NDE1: variants seen among roughly 807,000 people sequenced by gnomAD.
NDE1 encodes the protein nuclear distribution protein nudE homolog 1.
A neutral mutation model predicts 43.4 loss-of-function variants in NDE1; 28 were observed. The observed-to-expected ratio is 0.65, with a 90% CI of 0.48 to 0.89. The LOEUF (loss-of-function observed/expected upper bound fraction) is 0.89, where lower values mean the gene tolerates loss of function less well. Among genes scored for constraint, NDE1 ranks in the 40% least tolerant of loss-of-function variants. The pLI is 0.00. For synonymous variants in NDE1, 184 were observed against 172.0 expected (o/e 1.07, Z -0.55); for missense variants, 441 against 434.1 (o/e 1.02, Z -0.14).
At chr16:15,712,947 G>A (rs1358919221) in intron 8 of NDE1, 4 of 143,884 alleles carry the variant, frequency 2.8e-5, no homozygotes, top group South Asian at 2.2e-4. Flanking sequence ...TCTCTCTCCC[G>A]GTTTTAAGCC....
chr16:15,655,113 G>T (rs1247629651), intron 1 of NDE1, among the ~76,000 whole-genome samples: 2 of 152,022 alleles, frequency 1.3e-5, no homozygotes, highest in East Asian at 3.9e-4. Context: ...CTGCCTCTGG[G>T]TTCAAGCAAT....
intron 4 of NDE1, among the ~76,000 whole-genome samples, chr16:15,681,796 T>A (rs749688360): frequency 2.4e-4 from 36 of 152,084 alleles, no homozygotes; most frequent in Non-Finnish European, 4.7e-4. Flanking sequence ...AACTGCAACC[T>A]CCACCCTCCC....
chr16:15,681,848 G>C (rs2151084249), intron 4 of NDE1, among the ~76,000 whole-genome samples: 1 of 152,164 alleles, frequency 6.6e-6, no homozygotes, highest in South Asian at 2.1e-4. Flanking sequence ...CAAGTAGCTG[G>C]GATTACAGGC....
At chr16:15,713,227 T>G (rs1386379602) in intron 8 of NDE1, 1 of 151,572 alleles carries the variant, frequency 6.6e-6, no homozygotes, top group African/African-American at 2.4e-5. Flanking sequence ...CCTCGGTTGG[T>G]GCCAGAGGGT....
chr16:15,717,482 C>G, intron 8 of NDE1: 2 of 867,060 alleles, frequency 2.3e-6, no homozygotes, highest in Non-Finnish European at 3.6e-6. Context: ...TCTCCTTCAT[C>G]CTGTAAAACT....
At chr16:15,673,550 T>TC (rs1174963663) in intron 3 of NDE1, among the ~76,000 whole-genome samples, 1 of 151,298 alleles carries the variant, frequency 6.6e-6, no homozygotes, top group East Asian at 1.9e-4. Flanking sequence ...GCTGGTGATT[T>TC]TTTTTTTTTT....
At chr16:15,660,733 A>G (rs761976464) in intron 1 of NDE1, among the ~76,000 whole-genome samples, 42 of 151,868 alleles carry the variant, frequency 2.8e-4, no homozygotes, top group Admixed American at 5.9e-4. Context: ...CCTTGTGGAT[A>G]TTTTCCAGCC....
chr16:15,669,604 C>G (rs928046343), intron 3 of NDE1, among the ~76,000 whole-genome samples: 1 of 152,098 alleles, frequency 6.6e-6, no homozygotes, highest in African/African-American at 2.4e-5. Context: ...GTGTGATCTA[C>G]CCGCCTTAGC....
Position 15,725,577 on chromosome 16 carries a change from C to G in NDE1, c.*1326C>G. ...AAGTCCCTTTGAGGCTGTTAGCCTA[C>G]CCCTCCATCTCTTCCATTGACAAGG... On this transcript the variant is annotated 3_prime_UTR_variant, in exon 9 of 9. Transcript: ENST00000396354. 2.5e-6 allele frequency: 1 copy of G among 406,604 alleles called. No homozygotes were observed. Among genetic ancestry groups the G allele is most frequent in the East Asian group, 3.5e-5 (1 of 28,446 alleles). 25.2% of individuals were successfully genotyped at this position (406,604 alleles called of 1,614,324 possible). A position where few individuals can be genotyped will look rare whatever the true frequency, so the allele number is the denominator to read the frequency against.
intron 8 of NDE1, chr16:15,697,123 A>G: frequency 1.1e-5 from 10 of 937,658 alleles, no homozygotes; most frequent in Non-Finnish European, 1.1e-5. Context: ...ATCATGGCTC[A>G]CCCTCTGCCT....
intron 5 of NDE1, among the ~76,000 whole-genome samples, chr16:15,690,732 T>C (rs2038707984): frequency 6.6e-6 from 1 of 152,026 alleles, no homozygotes; most frequent in East Asian, 1.9e-4. Flanking sequence ...TTCACCCCAG[T>C]AGGTCTTTTT....
intron 1 of NDE1, among the ~76,000 whole-genome samples, chr16:15,659,748 C>CTTT (rs36112475): frequency 1.0e-5 from 1 of 98,966 alleles, no homozygotes; most frequent in Non-Finnish European, 2.2e-5. Flanking sequence ...TGGACACAAT[C>CTTT]TTTTTTTTTT....
intron 7 of NDE1, 86 bp downstream of exon 7, chr16:15,694,342 CTTCT>C: frequency 6.4e-7 from 1 of 1,560,192 alleles, no homozygotes; most frequent in Non-Finnish European, 8.7e-7. Context: ...CCTTCCCTCT[CTTCT>C]TTTTTTCTTT....
At chr16:15,666,181 G>C (rs985051924) in intron 2 of NDE1, among the ~76,000 whole-genome samples, 1 of 152,150 alleles carries the variant, frequency 6.6e-6, no homozygotes, top group African/African-American at 2.4e-5. Context: ...TTTAAGATTT[G>C]AAACTCGTGT....
At chr16:15,660,957 T>A (rs1031040441) in intron 1 of NDE1, among the ~76,000 whole-genome samples, 5 of 152,144 alleles carry the variant, frequency 3.3e-5, no homozygotes, top group African/African-American at 1.2e-4. Flanking sequence ...CCTAGGCGAT[T>A]CTTCCATGGT....
intron 1 of NDE1, among the ~76,000 whole-genome samples, chr16:15,655,701 T>G (rs2036727988): frequency 6.6e-6 from 1 of 152,016 alleles, no homozygotes; most frequent in South Asian, 2.1e-4. Flanking sequence ...GCGGCATTAT[T>G]CACAATAGCA....
intron 8 of NDE1, 164 bp from the exon 9 acceptor site, chr16:15,724,025 AAG>A (rs1286443650): frequency 2.0e-6 from 3 of 1,464,470 alleles, no homozygotes; most frequent in Non-Finnish European, 2.8e-6. Context: ...AAGACAAGAT[AAG>A]ACAGCCTCCC....
At chr16:15,690,121 C>G (rs1387054036) in intron 5 of NDE1, among the ~76,000 whole-genome samples, 1 of 151,732 alleles carries the variant, frequency 6.6e-6, no homozygotes, top group Non-Finnish European at 1.5e-5. Context: ...GCTCACTGCA[C>G]TCACTGCTTG....
chr16:15,696,287 G>C (rs372723225), intron 7 of NDE1, among the ~76,000 whole-genome samples: 1 of 151,918 alleles, frequency 6.6e-6, no homozygotes, highest in Non-Finnish European at 1.5e-5. Flanking sequence ...AGGTGGGAGG[G>C]ATTGGTTGAG....
Sources: gnomAD v4.1 joint callset for allele counts (sites outside exome capture counted in the v4.1 genomes callset) on GRCh38, gnomAD v4.1.1 for gene constraint, MANE v1.5 for transcripts, NCBI Gene and HGNC (gene_info 2026-07-23, HGNC 2026-07-21) for gene names.